The following FBXO36 variants were observed in gnomAD, a reference collection of about 807,000 sequenced individuals.
The protein encoded by FBXO36 is F-box only protein 36.
FBXO36 carries 18 observed loss-of-function variants against 17.0 expected under a neutral mutation model. The observed-to-expected ratio is 1.06, with a 90% CI of 0.73 to 1.57. FBXO36 has a LOEUF of 1.57. Among genes scored for constraint, FBXO36 ranks in the 40% most tolerant of loss-of-function variants. The pLI is 0.00. For synonymous variants in FBXO36, 83 were observed against 85.3 expected (o/e 0.97, Z 0.15); for missense variants, 229 against 221.9 (o/e 1.03, Z -0.20).
chr2:229,964,696 T>G (rs1289573238), intron 1 of FBXO36, among the ~76,000 whole-genome samples: 4 of 152,214 alleles, frequency 2.6e-5, no homozygotes, highest in African/African-American at 9.7e-5. Flanking sequence ...ATTTTTTGTA[T>G]TTTTAGTAGA....
At chr2:229,998,120 T>A (rs1183051011) in intron 3 of FBXO36, among the ~76,000 whole-genome samples, 1 of 152,230 alleles carries the variant, frequency 6.6e-6, no homozygotes, top group Admixed American at 6.5e-5. Flanking sequence ...ATCATAATCT[T>A]ATTATCTAAA....
intron 1 of FBXO36, among the ~76,000 whole-genome samples, chr2:229,947,970 C>T (rs1004226503): frequency 6.6e-6 from 1 of 152,086 alleles, no homozygotes; most frequent in Non-Finnish European, 1.5e-5. Context: ...ATTACCTAGA[C>T]AGAGGAGGGA....
chr2:229,994,628 G>A (rs900167771), intron 2 of FBXO36, among the ~76,000 whole-genome samples: 1 of 152,190 alleles, frequency 6.6e-6, no homozygotes, highest in Admixed American at 6.5e-5. Context: ...AATAGGGAAG[G>A]TGGTCGCCAA....
intron 1 of FBXO36, among the ~76,000 whole-genome samples, chr2:229,960,311 G>A (rs2077113898): frequency 6.6e-6 from 1 of 151,968 alleles, no homozygotes; most frequent in African/African-American, 2.4e-5. Flanking sequence ...CTGAGGAGCT[G>A]GGACTACATA....
At chr2:229,971,488 G>GA (rs374189687) in intron 1 of FBXO36, among the ~76,000 whole-genome samples, 33 of 151,232 alleles carry the variant, frequency 2.2e-4, no homozygotes, top group African/African-American at 5.8e-4. Context: ...CTGGCAGGGG[G>GA]AAAAAAAAAT....
intron 1 of FBXO36, among the ~76,000 whole-genome samples, chr2:229,936,732 G>A (rs750688279): frequency 1.1e-4 from 16 of 152,060 alleles, no homozygotes; most frequent in Non-Finnish European, 1.6e-4. Flanking sequence ...TGAGCCAAGC[G>A]TGGTGGCATG....
intron 1 of FBXO36, among the ~76,000 whole-genome samples, chr2:229,942,085 C>T (rs1171486217): frequency 6.6e-6 from 1 of 152,144 alleles, no homozygotes; most frequent in Non-Finnish European, 1.5e-5. Context: ...ACCTCCCTGG[C>T]AGCTAAGTGT....
chr2:229,984,890 T>C (rs1212702175), intron 2 of FBXO36, among the ~76,000 whole-genome samples: 2 of 152,184 alleles, frequency 1.3e-5, no homozygotes, highest in African/African-American at 4.8e-5. Context: ...CTGGGACATC[T>C]ATATCTGCAC....
intron 1 of FBXO36, among the ~76,000 whole-genome samples, chr2:229,948,105 C>G (rs1397236788): frequency 6.6e-6 from 1 of 150,738 alleles, no homozygotes. Flanking sequence ...CAAGAGCCGC[C>G]TAAGTAACAT....
intron 2 of FBXO36, among the ~76,000 whole-genome samples, chr2:229,986,477 C>T (rs553896188): frequency 6.6e-6 from 1 of 151,862 alleles, no homozygotes; most frequent in Admixed American, 6.6e-5. Flanking sequence ...GTATGGGCAA[C>T]AGAGTGAGAC....
At chr2:229,977,154 A>C (rs910498985) in intron 2 of FBXO36, 4 of 151,790 alleles carry the variant, frequency 2.6e-5, no homozygotes, top group South Asian at 4.2e-4. Context: ...TTTAAAAAAC[A>C]TTTTTTTTAT....
chr2:229,969,903 T>C (rs1160617814), intron 1 of FBXO36, among the ~76,000 whole-genome samples: 1 of 152,060 alleles, frequency 6.6e-6, no homozygotes, highest in East Asian at 1.9e-4. Flanking sequence ...CCGAAGAGGA[T>C]ATATGAATGG....
intron 1 of FBXO36, among the ~76,000 whole-genome samples, chr2:229,954,133 G>A (rs1033372541): frequency 3.3e-5 from 5 of 151,786 alleles, no homozygotes; most frequent in African/African-American, 4.8e-5. Flanking sequence ...CAAAGTACTG[G>A]GGTTATAGGT....
chr2:229,994,294 C>T (rs1479900274), intron 2 of FBXO36, among the ~76,000 whole-genome samples: 2 of 152,040 alleles, frequency 1.3e-5, no homozygotes, highest in Non-Finnish European at 2.9e-5. Context: ...TATTCCTCAC[C>T]CCCCAAGAAG....
chr2:229,961,492 C>T (rs1486641757), intron 1 of FBXO36, among the ~76,000 whole-genome samples: 1 of 152,170 alleles, frequency 6.6e-6, no homozygotes, highest in African/African-American at 2.4e-5. Flanking sequence ...TCTCCTGCCT[C>T]AGCTTCCTGA....
At chr2:230,006,105 G>GTTTT (rs577192144) in intron 3 of FBXO36, among the ~76,000 whole-genome samples, 2 of 124,664 alleles carry the variant, frequency 1.6e-5, no homozygotes, top group Non-Finnish European at 3.3e-5. Flanking sequence ...TTTTATTTTA[G>GTTTT]TTTTTTTTTT....
intron 2 of FBXO36, among the ~76,000 whole-genome samples, chr2:229,981,587 A>C (rs1258531895): frequency 6.6e-6 from 1 of 151,478 alleles, no homozygotes; most frequent in Non-Finnish European, 1.5e-5. Context: ...CTGCCTGCCC[A>C]GTTACTCAGG....
At chr2:229,971,887 AGG>A (rs2077182030) in intron 1 of FBXO36, among the ~76,000 whole-genome samples, 2 of 151,176 alleles carry the variant, frequency 1.3e-5, no homozygotes, top group African/African-American at 4.9e-5. Context: ...TGTGTTGACT[AGG>A]CTTGTTTTGA....
intron 1 of FBXO36, chr2:229,939,147 G>A (rs1577329935): frequency 2.5e-6 from 2 of 793,122 alleles, no homozygotes; most frequent in African/African-American, 3.9e-5. Context: ...TCCGGTTCCC[G>A]GGTTCAAGCG....
Sources: allele counts gnomAD v4.1 joint callset (sites outside exome capture counted in the v4.1 genomes callset), GRCh38; gene constraint gnomAD v4.1.1; transcripts MANE v1.5; gene names NCBI Gene and HGNC (gene_info 2026-07-23, HGNC 2026-07-21).